Variants in PPARD observed in about 807,000 individuals in gnomAD.
The protein encoded by PPARD is peroxisome proliferator activated receptor delta.
In PPARD, 6 loss-of-function variants were observed where a neutral mutation model predicts 39.5. The ratio of observed to expected loss-of-function variants is 0.15; its 90% confidence interval spans 0.08 to 0.30. PPARD has a LOEUF of 0.30. Ranked by LOEUF, PPARD falls within the 10% of genes least tolerant of loss-of-function variation. The probability of loss-of-function intolerance (pLI) is 1.00; values close to 1 mark genes in which losing one functional copy is unlikely to be tolerated. For synonymous variants in PPARD, 210 were observed against 231.3 expected, an observed-to-expected ratio of 0.91 and a Z score of 0.83; for missense variants, 397 against 596.8, an observed-to-expected ratio of 0.67 and a Z score of 3.49.
intron 2 of PPARD, chr6:35,349,090 A>G: frequency 1.1e-6 from 1 of 896,852 alleles, no homozygotes; most frequent in Non-Finnish European, 1.3e-6. Flanking sequence ...CAGTGGCGCG[A>G]TCTAGGCTCA....
At chr6:35,397,636 T>C in intron 2 of PPARD, 3 of 788,886 alleles carry the variant, frequency 3.8e-6, no homozygotes, top group Non-Finnish European at 4.6e-6. Flanking sequence ...TGCCAGTTGC[T>C]CCTCTGATAC....
At chr6:35,380,842 A>G (rs1763115896) in intron 2 of PPARD, among the ~76,000 whole-genome samples, 1 of 152,150 alleles carries the variant, frequency 6.6e-6, no homozygotes, top group Non-Finnish European at 1.5e-5. Flanking sequence ...TGCAGGAGCA[A>G]GAGGATCAGG....
At chr6:35,420,364 TG>T in intron 4 of PPARD, 83 bp downstream of exon 4, 4 of 1,483,638 alleles carry the variant, frequency 2.7e-6, no homozygotes, top group Non-Finnish European at 3.6e-6. Flanking sequence ...TTCCTTGCCT[TG>T]GGGTGGGGCC....
At chr6:35,416,377 A>C (rs955337230) in intron 3 of PPARD, among the ~76,000 whole-genome samples, 1 of 7,682 alleles carries the variant, frequency 1.3e-4, no homozygotes, top group African/African-American at 6.9e-4. Context: ...TTCATCTCAA[A>C]AAAAAAAAAA....
Position 35,363,877 on chromosome 6 carries a change from G to A in PPARD, c.-102+16727G>A, listed in dbSNP as rs1762049882. Among the ~76,000 whole-genome samples, 1 of 151,394 alleles carries A rather than the reference G, an allele frequency of 6.6e-6. No homozygotes were observed. On this transcript the variant is annotated intron_variant, in intron 2 of 7. Coordinates refer to ENST00000360694, the MANE Select transcript of PPARD (RefSeq NM_006238.5). The surrounding 1 kb of genome is among the most constrained non-coding windows in gnomAD (Gnocchi z 4.5). The stretch of plus-strand genomic sequence containing the variant: ...ATAACCAAATTCACCACTTTAAAGT[G>A]TGTACTTTGATGGTTTTTGTATATT...
At chr6:35,364,709 CTTTGTTTTTTG>C (rs1028630287) in intron 2 of PPARD, among the ~76,000 whole-genome samples, 6 of 148,934 alleles carry the variant, frequency 4.0e-5, no homozygotes, top group Non-Finnish European at 8.9e-5. Flanking sequence ...AAGTGTTACT[CTTTGTTTTTTG>C]TTTGTTTTTT....
intron 2 of PPARD, among the ~76,000 whole-genome samples, chr6:35,374,668 A>G (rs896297524): frequency 2.6e-5 from 4 of 151,820 alleles, no homozygotes; most frequent in Admixed American, 6.6e-5. Flanking sequence ...AAAAAAAAAA[A>G]AAAAGAAAAG....
In PPARD at chr6:35,379,394, G is replaced by A. The variant is rs192242175; in HGVS notation, c.-101-31593G>A. Reference sequence around the variant, plus strand: ...TGGTATTACAGGCATGAGCCACCGCGCCTGGCTTGCAGTAGGCATCTTTGC... The same window carrying A: ...TGGTATTACAGGCATGAGCCACCGCACCTGGCTTGCAGTAGGCATCTTTGC... On this transcript the variant is annotated intron_variant, in intron 2 of 7. Transcript: ENST00000360694. Among the ~76,000 whole-genome samples, 275 of 152,234 alleles carry A rather than the reference G, an allele frequency of 1.8e-3. 3 individuals carry two copies. The highest frequency in any genetic ancestry group is 6.1e-3 in the African/African-American group (255 of 41,532).
At chr6:35,384,575 C>T (rs1763453988) in intron 2 of PPARD, among the ~76,000 whole-genome samples, 1 of 97,300 alleles carries the variant, frequency 1.0e-5, no homozygotes, top group African/African-American at 5.2e-5. Context: ...GTGAGGAGCC[C>T]CTCTGCCCGG....
chr6:35,365,361 C>A (rs1214431568), intron 2 of PPARD, among the ~76,000 whole-genome samples: 2 of 149,952 alleles, frequency 1.3e-5, no homozygotes, highest in Admixed American at 6.6e-5. Flanking sequence ...AGGAAGGTCT[C>A]GATCTCCTGA....
intron 2 of PPARD, among the ~76,000 whole-genome samples, chr6:35,355,688 T>C (rs1441157893): frequency 7.8e-6 from 1 of 128,936 alleles, no homozygotes; most frequent in African/African-American, 3.0e-5. Flanking sequence ...CTCGGCTCAC[T>C]GCAAGCTCCG....
intron 2 of PPARD, among the ~76,000 whole-genome samples, chr6:35,391,353 C>T (rs111388112): frequency 0.011 from 1,656 of 152,268 alleles, 5 homozygotes; most frequent in Middle Eastern, 0.017. Context: ...AACAGTTTGG[C>T]GCATTTGCTT....
Position 35,401,940 on chromosome 6 carries a change from C to T in PPARD, c.-101-9047C>T, listed in dbSNP as rs2150733518. Among the ~76,000 whole-genome samples the T allele has an allele frequency of 6.6e-6, 1 of 152,214 alleles. No individual in the cohort carries two copies. The highest frequency in any genetic ancestry group is 1.9e-4 in the East Asian group (1 of 5,160). On this transcript the variant is annotated intron_variant, in intron 2 of 7. Coordinates refer to ENST00000360694, the MANE Select transcript of PPARD (RefSeq NM_006238.5). The surrounding 1 kb of genome is among the most constrained non-coding windows in gnomAD (Gnocchi z 4.1). ...TCTGGTGAGTCTCTCTGCTGGCCGG[C>T]AGAACCACCCTACCCTGGAAGCCCT...
intron 2 of PPARD, among the ~76,000 whole-genome samples, chr6:35,380,476 G>GTTTT (rs71002557): frequency 9.5e-4 from 64 of 67,096 alleles, no homozygotes; most frequent in Non-Finnish European, 1.4e-3. Flanking sequence ...TTTTTTGTTT[G>GTTTT]TTTTTTTTTT....
chr6:35,408,488 G>A (rs910094410), intron 2 of PPARD, among the ~76,000 whole-genome samples: 3 of 152,204 alleles, frequency 2.0e-5, no homozygotes, highest in African/African-American at 7.2e-5. Flanking sequence ...TGTGCTCTGG[G>A]TCTGGTGCTT....
rs1228610305 is a variant in PPARD, at chr6:35,424,748, C to G, written c.1047C>G (p.Ala349=). ...NALELDDSDL[A]LFIAAIILCG... is the part of the protein sequence containing the mutation. Reference sequence around the variant, plus strand: ...TGGAACTTGATGACAGTGACCTGGCCCTATTCATTGCGGCCATCATTCTGT... The same window carrying G: ...TGGAACTTGATGACAGTGACCTGGCGCTATTCATTGCGGCCATCATTCTGT... The change falls in exon 7 of 8, where the codon GCC becomes GCG. Residue 349 remains alanine, a synonymous_variant. Coordinates refer to ENST00000360694, the MANE Select transcript of PPARD (RefSeq NM_006238.5). The surrounding 1 kb of genome is among the most constrained non-coding windows in gnomAD (Gnocchi z 7.1). The G allele has an allele frequency of 6.2e-7, 1 of 1,614,042 alleles. No individual in the cohort carries two copies. The highest frequency in any genetic ancestry group is 1.7e-5 in the Admixed American group (1 of 60,002).
intron 2 of PPARD, among the ~76,000 whole-genome samples, chr6:35,402,211 A>G (rs909051715): frequency 3.3e-5 from 5 of 152,014 alleles, no homozygotes; most frequent in African/African-American, 1.2e-4. Flanking sequence ...CTACAGCTCC[A>G]CCCCTCAGAG....
intron 2 of PPARD, among the ~76,000 whole-genome samples, chr6:35,356,627 A>G (rs1393101010): frequency 6.6e-6 from 1 of 152,112 alleles, no homozygotes; most frequent in Non-Finnish European, 1.5e-5. Context: ...CTGTTTGTGC[A>G]TTGTAGGATG....
chr6:35,362,792 T>C (rs143633990), intron 2 of PPARD, among the ~76,000 whole-genome samples: 26 of 152,102 alleles, frequency 1.7e-4, no homozygotes, highest in Admixed American at 1.4e-3. Context: ...GGGCCAGACA[T>C]AGGGGAGAAG....
Sources: allele counts gnomAD v4.1 joint callset (sites outside exome capture counted in the v4.1 genomes callset), GRCh38; gene constraint gnomAD v4.1.1; non-coding constraint Gnocchi (gnomAD v3.1); transcripts MANE v1.5; gene names NCBI Gene and HGNC (gene_info 2026-07-23, HGNC 2026-07-21).